The following RAPH1 variants were observed in gnomAD, a reference collection of about 807,000 sequenced individuals.
RAPH1 encodes ras-associated and pleckstrin homology domains-containing protein 1.
RAPH1 carries 18 observed loss-of-function variants against 88.1 expected under a neutral mutation model. That is an observed-to-expected ratio of 0.20 (90% confidence interval 0.14 to 0.30). The LOEUF is 0.30. Ranked by LOEUF, RAPH1 falls within the 10% of genes least tolerant of loss-of-function variation. The pLI is 1.00. For missense variants in RAPH1, 1,448 were observed against 1,543.2 expected, an observed-to-expected ratio of 0.94 and a Z score of 1.03; for synonymous variants, 587 against 559.0, an observed-to-expected ratio of 1.05 and a Z score of -0.71.
chr2:203,466,469 C>G (rs958459884), intron 4 of RAPH1, among the ~76,000 whole-genome samples: 2 of 152,220 alleles, frequency 1.3e-5, no homozygotes, highest in Admixed American at 6.5e-5. Context: ...TTTGCTGATA[C>G]GTTTAGATGA....
intron 10 of RAPH1, among the ~76,000 whole-genome samples, chr2:203,453,825 T>TTTGCTTA (rs2098516869): frequency 1.3e-5 from 2 of 152,084 alleles, no homozygotes; most frequent in Admixed American, 6.5e-5. Context: ...AGTGTTCTAA[T>TTTGCTTA]AGATCACTAT....
intron 1 of RAPH1, among the ~76,000 whole-genome samples, chr2:203,511,940 T>C (rs1027018259): frequency 6.6e-6 from 1 of 151,912 alleles, no homozygotes; most frequent in Admixed American, 6.6e-5. Context: ...TAAAACCCTG[T>C]CTCTACTGAA....
chr2:203,464,152 A>G (rs1262814198), intron 4 of RAPH1, among the ~76,000 whole-genome samples: 1 of 152,254 alleles, frequency 6.6e-6, no homozygotes, highest in African/African-American at 2.4e-5. Context: ...AATTGCAAAG[A>G]AAGTTTACCA....
At chr2:203,477,416 T>C (rs1274769946) in intron 4 of RAPH1, among the ~76,000 whole-genome samples, 1 of 152,208 alleles carries the variant, frequency 6.6e-6, no homozygotes, top group Admixed American at 6.5e-5. Flanking sequence ...TATGAAATAA[T>C]TGTGCAGAAA....
At chr2:203,516,505 T>C (rs1689613839) in intron 1 of RAPH1, among the ~76,000 whole-genome samples, 1 of 152,228 alleles carries the variant, frequency 6.6e-6, no homozygotes, top group South Asian at 2.1e-4. Context: ...ATCCCAGATT[T>C]TGGGAGGCCA....
chr2:203,440,919 C>G lies in RAPH1; in HGVS notation c.2271G>C (p.Gln757His). ...LKIHQVQHIT[Q>H]VAPPTPPPPP... ...GTGGGGGGGGTGTTGGGGGAGCCAC[C>G]TGAGTAATATGCTGAACTTGATGGA... Residue 757 changes from glutamine to histidine, a missense_variant, in exon 14 of 14, where the codon CAG becomes CAC. Physicochemically the swap from Gln to His is conservative, Grantham distance 24. This residue lies in a region of RAPH1 where 935 missense variants were observed against 890.1 expected (regional missense o/e 1.05). Coordinates refer to ENST00000319170, the MANE Select transcript of RAPH1 (RefSeq NM_213589.3). The G allele has an allele frequency of 6.5e-7, 1 of 1,546,670 alleles. No homozygotes were observed. Among genetic ancestry groups the G allele is most frequent in the Non-Finnish European group, 8.7e-7 (1 of 1,145,294 alleles).
At chr2:203,470,149 AAAT>A (rs2098531788) in intron 4 of RAPH1, 5 of 811,562 alleles carry the variant, frequency 6.2e-6, no homozygotes, top group African/African-American at 5.2e-5. Flanking sequence ...TAGAGTAAGA[AAAT>A]AATAATATAA....
chr2:203,472,067 G>GA (rs1364741213), intron 4 of RAPH1, among the ~76,000 whole-genome samples: 2 of 151,770 alleles, frequency 1.3e-5, no homozygotes, highest in Non-Finnish European at 1.5e-5. Context: ...AGGGAATTGG[G>GA]AAAAACAAAG....
At chr2:203,478,494 T>G (rs1466466374) in intron 4 of RAPH1, among the ~76,000 whole-genome samples, 1 of 152,058 alleles carries the variant, frequency 6.6e-6, no homozygotes, top group Non-Finnish European at 1.5e-5. Flanking sequence ...TGTTTTTTTT[T>G]GTTTTTCTTT....
chr2:203,439,651 C>G lies in RAPH1; in HGVS notation c.3539G>C (p.Arg1180Pro). The G allele has an allele frequency of 6.2e-7, 1 of 1,614,016 alleles. No homozygotes were observed. The highest frequency in any genetic ancestry group is 8.5e-7 in the Non-Finnish European group (1 of 1,179,990). Residue 1180 changes from arginine to proline, a missense_variant, in exon 14 of 14, where the codon CGG becomes CCG. Arg to Pro is a moderately radical substitution (Grantham distance 103). Around this residue, in one of 2 missense-constraint regions of RAPH1, gnomAD observed 935 missense variants for 890.1 expected, o/e 1.05. Coordinates refer to ENST00000319170, the MANE Select transcript of RAPH1 (RefSeq NM_213589.3). ...NRTLQRKSIT[R>P]HGSLSSRMSR... ...CATGCGGGAGGAGAGTGAGCCGTGC[C>G]GAGTGATGGACTTTCGTTGCAGTGT... is the stretch of plus-strand genomic sequence containing the variant.
chr2:203,478,634 C>T (rs1687584548), intron 4 of RAPH1, among the ~76,000 whole-genome samples: 1 of 152,130 alleles, frequency 6.6e-6, no homozygotes, highest in Non-Finnish European at 1.5e-5. Flanking sequence ...GGATTACAGG[C>T]ACCCGCCACC....
At chr2:203,474,184 T>C (rs1004307973) in intron 4 of RAPH1, among the ~76,000 whole-genome samples, 2 of 152,252 alleles carry the variant, frequency 1.3e-5, no homozygotes, top group Middle Eastern at 3.4e-3. Context: ...AAAGGGATAT[T>C]TGAGACCAGT....
At chr2:203,447,153 C>A (rs2098510550) in intron 12 of RAPH1, 3 of 141,226 alleles carry the variant, frequency 2.1e-5, no homozygotes, top group East Asian at 2.1e-4. Context: ...TTTGCCATTT[C>A]TTTGAGAGCC....
chr2:203,504,635 T>C (rs1479079477), intron 1 of RAPH1, among the ~76,000 whole-genome samples: 1 of 151,918 alleles, frequency 6.6e-6, no homozygotes, highest in South Asian at 2.1e-4. Context: ...TCCTTGCTAT[T>C]TATGCAAATT....
intron 4 of RAPH1, among the ~76,000 whole-genome samples, chr2:203,465,185 A>G (rs957180842): frequency 1.3e-5 from 2 of 152,352 alleles, no homozygotes; most frequent in East Asian, 1.9e-4. Context: ...CTACAAAGAC[A>G]TGCACATGGA....
intron 4 of RAPH1, among the ~76,000 whole-genome samples, chr2:203,477,519 T>A (rs1286321684): frequency 1.3e-5 from 2 of 152,198 alleles, no homozygotes; most frequent in African/African-American, 4.8e-5. Flanking sequence ...CCTTATGTTA[T>A]ACCTGTTCTA....
In RAPH1 at chr2:203,518,379, G is replaced by A. The variant is rs572399600; in HGVS notation, c.-1+16732C>T. Among the ~76,000 whole-genome samples the A allele has an allele frequency of 3.9e-5, 6 of 152,104 alleles. No individual in the cohort carries two copies. In the South Asian group the frequency reaches 1.2e-3, roughly 32 times the overall value. On this transcript the variant is annotated intron_variant, in intron 1 of 13. Transcript: ENST00000319170. ...AAAACAATACAAAAATTAGCCAGGTGTGGTGGCAGGCACCTGGAATTCCAG... is the reference window on the plus strand; with the variant it reads ...AAAACAATACAAAAATTAGCCAGGTATGGTGGCAGGCACCTGGAATTCCAG...
intron 1 of RAPH1, among the ~76,000 whole-genome samples, chr2:203,527,736 G>A (rs1477517530): frequency 6.8e-6 from 1 of 146,672 alleles, no homozygotes; most frequent in Non-Finnish European, 1.5e-5. Flanking sequence ...GGAGGCGAAG[G>A]TTGTGGTGAG....
intron 1 of RAPH1, among the ~76,000 whole-genome samples, chr2:203,533,661 C>T: frequency 6.6e-6 from 1 of 152,024 alleles, no homozygotes; most frequent in Admixed American, 6.6e-5. Context: ...CTTCTTCGCT[C>T]TCCTATTCTA....
Sources: allele counts gnomAD v4.1 joint callset (sites outside exome capture counted in the v4.1 genomes callset), GRCh38; gene constraint gnomAD v4.1.1; regional missense constraint gnomAD v4.1.1; transcripts MANE v1.5; gene names NCBI Gene and HGNC (gene_info 2026-07-23, HGNC 2026-07-21).